The following RAB21 variants were observed in gnomAD, a reference collection of about 807,000 sequenced individuals.
The protein encoded by RAB21 is ras-related protein Rab-21.
Under a neutral mutation model 33.1 loss-of-function variants are expected in RAB21, and 13 were observed. The ratio of observed to expected loss-of-function variants is 0.39; its 90% CI spans 0.26 to 0.62. The LOEUF (loss-of-function observed/expected upper bound fraction) is 0.62. Among genes scored for constraint, RAB21 ranks in the 20% least tolerant of loss-of-function variants. The probability of loss-of-function intolerance (pLI) is 0.48; values close to 1 mark genes in which losing one functional copy is unlikely to be tolerated. For synonymous variants in RAB21, 91 were observed against 103.7 expected (o/e 0.88, Z 0.74); for missense variants, 234 against 279.1 (o/e 0.84, Z 1.15).
intron 3 of RAB21, among the ~76,000 whole-genome samples, chr12:71,773,106 G>A (rs1883067963): frequency 6.6e-6 from 1 of 152,158 alleles, no homozygotes; most frequent in Admixed American, 6.5e-5. Flanking sequence ...AATGAAGGCA[G>A]GTGTCCAAGT....
chr12:71,797,823 T>G lies in RAB21; in HGVS notation c.*12150T>G, dbSNP rs1014041118. The G allele has an allele frequency of 6.6e-6, 1 of 151,940 alleles. No homozygotes were observed. Among genetic ancestry groups the G allele is most frequent in the African/African-American group, 2.4e-5 (1 of 41,334 alleles). 9.4% of individuals were successfully genotyped at this position (151,940 alleles called of 1,614,324 possible). ...AGTGGAGGAGAAGTGATGTTTCAGC[T>G]CAGTGGGGAAAATATGGTTTATTCA... On this transcript the variant is annotated 3_prime_UTR_variant, in exon 7 of 7. Coordinates refer to ENST00000261263, the MANE Select transcript of RAB21 (RefSeq NM_014999.4).
At chr12:71,760,304 C>CT (rs1053278059) in intron 1 of RAB21, among the ~76,000 whole-genome samples, 11 of 152,046 alleles carry the variant, frequency 7.2e-5, no homozygotes, top group African/African-American at 2.7e-4. Flanking sequence ...GTGTGGCTCT[C>CT]TTTTTCCAGA....
At chr12:71,755,411 T>C (rs1882770226) in intron 1 of RAB21, 123 bp downstream of exon 1, 1 of 1,196,516 alleles carries the variant, frequency 8.4e-7, no homozygotes, top group African/African-American at 1.6e-5. Flanking sequence ...CATCTCCGCC[T>C]TCGGTTTACC....
In RAB21 at chr12:71,797,166, A is replaced by G. The variant is rs562656519; in HGVS notation, c.*11493A>G. ...TCAAGGAACTTAAAAACCTATTGGA[A>G]GATTTATTTAACAGAGGTAAGAGAA... On this transcript the variant is annotated 3_prime_UTR_variant, in exon 7 of 7. Transcript: ENST00000261263. 2 of 152,310 alleles carry G rather than the reference A, an allele frequency of 1.3e-5. No individual in the cohort carries two copies. The highest frequency in any genetic ancestry group is 2.9e-5 in the Non-Finnish European group (2 of 67,996). 9.4% of individuals were successfully genotyped at this position (152,310 alleles called of 1,614,324 possible).
rs1592652045 is a variant in RAB21, at chr12:71,786,676, A to C, written c.*1003A>C. 2 of 152,774 alleles carry C rather than the reference A, an allele frequency of 1.3e-5. No individual in the cohort carries two copies. Among genetic ancestry groups the C allele is most frequent in the African/African-American group, 4.8e-5 (2 of 41,574 alleles). 9.5% of individuals were successfully genotyped at this position (152,774 alleles called of 1,614,324 possible). A position where few individuals can be genotyped will look rare whatever the true frequency, so the allele number is the denominator to read the frequency against. ...TGCCTAGCTTTTTTGACTAATATAA[A>C]GATCATAGCTCCCCTTCACTTCTGT... On this transcript the variant is annotated 3_prime_UTR_variant, in exon 7 of 7. Coordinates refer to ENST00000261263, the MANE Select transcript of RAB21 (RefSeq NM_014999.4).
Position 71,769,774 on chromosome 12 carries a change from T to G in RAB21, c.160-26T>G, listed in dbSNP as rs750173646. On this transcript the variant is annotated intron_variant, in intron 1 of 6. Transcript: ENST00000261263. Reference sequence around the variant, plus strand: ...AAGAACCTTATTTTATAAGAAACATTGTTTAATGTTTATTTCTCTTTTTAG... The same window carrying G: ...AAGAACCTTATTTTATAAGAAACATGGTTTAATGTTTATTTCTCTTTTTAG... 4.3e-6 allele frequency: 5 copies of G among 1,174,456 alleles called. No homozygotes were observed. The East Asian group carries it at 1.4e-4, about 32-fold the overall frequency. 72.8% of individuals were successfully genotyped at this position (1,174,456 alleles called of 1,614,324 possible).
chr12:71,785,912 T>G lies in RAB21; in HGVS notation c.*239T>G, dbSNP rs193154206. ...TTGTTTTTTTTTTGTTTTTTTTTGT[T>G]TTTTTTTGAGACGGAGTCTCGCTCT... On this transcript the variant is annotated 3_prime_UTR_variant, in exon 7 of 7. Coordinates refer to ENST00000261263, the MANE Select transcript of RAB21 (RefSeq NM_014999.4). 0.077 allele frequency: 33,337 copies of G among 431,958 alleles called. 1,776 individuals carry two copies. The highest frequency in any genetic ancestry group is 0.1 in the Non-Finnish European group (24,983 of 249,536). 26.8% of individuals were successfully genotyped at this position (431,958 alleles called of 1,614,324 possible).
intron 1 of RAB21, among the ~76,000 whole-genome samples, chr12:71,760,780 T>C (rs112462290): frequency 2.0e-5 from 3 of 152,096 alleles, no homozygotes; most frequent in African/African-American, 7.2e-5. Context: ...TCCCCTTTCT[T>C]TTTAGAGTCC....
chr12:71,773,323 G>A (rs1300068297), intron 3 of RAB21, among the ~76,000 whole-genome samples: 1 of 152,128 alleles, frequency 6.6e-6, no homozygotes, highest in African/African-American at 2.4e-5. Flanking sequence ...CACAACTGGC[G>A]GATGCTCTTG....
intron 1 of RAB21, among the ~76,000 whole-genome samples, chr12:71,765,415 G>C (rs1882944916): frequency 6.6e-6 from 1 of 152,042 alleles, no homozygotes; most frequent in Non-Finnish European, 1.5e-5. Flanking sequence ...TGTTTACTCT[G>C]CTGAGTATTT....
chr12:71,774,973 G>A (rs989905600), intron 4 of RAB21, among the ~76,000 whole-genome samples: 13 of 152,102 alleles, frequency 8.5e-5, no homozygotes, highest in Non-Finnish European at 1.6e-4. Context: ...AAATGACTTC[G>A]GCTTGTGTTC....
At position 71,797,742 on chromosome 12, in the gene RAB21, A is replaced by G. The variant is rs755857706; in HGVS notation, c.*12069A>G. 3 of 152,030 alleles carry G rather than the reference A, an allele frequency of 2.0e-5. No individual in the cohort carries two copies. Among genetic ancestry groups the G allele is most frequent in the Non-Finnish European group, 4.4e-5 (3 of 68,016 alleles). The allele number at this position is 152,030 out of a possible 1,614,324, so 9.4% of individuals were successfully genotyped here. ...ATAATTAAAACAGTCTGGAACTGGC[A>G]TATGACTAGACAGATCATTCAAGCA... On this transcript the variant is annotated 3_prime_UTR_variant, in exon 7 of 7. Coordinates refer to ENST00000261263, the MANE Select transcript of RAB21 (RefSeq NM_014999.4).
intron 1 of RAB21, among the ~76,000 whole-genome samples, chr12:71,765,911 A>C (rs1309670379): frequency 6.6e-6 from 1 of 152,074 alleles, no homozygotes; most frequent in African/African-American, 2.4e-5. Context: ...AAGTTTTTTA[A>C]AAAGAGTTCT....
intron 4 of RAB21, among the ~76,000 whole-genome samples, chr12:71,775,162 C>T (rs930371757): frequency 3.9e-5 from 6 of 152,170 alleles, no homozygotes; most frequent in Admixed American, 3.9e-4. Context: ...ATTATTATTT[C>T]TGTGATATCA....
rs1430000210 is a variant in RAB21, at chr12:71,792,643, A to T, written c.*6970A>T. 2.0e-5 allele frequency: 3 copies of T among 152,252 alleles called. No individual in the cohort carries two copies. The highest frequency in any genetic ancestry group is 7.2e-5 in the African/African-American group (3 of 41,452). The allele number at this position is 152,252 out of a possible 1,614,324, so 9.4% of individuals were successfully genotyped here. ...TCTGTATTTTAAAAAATTTTAAAAC[A>T]TTCAGCTTTTTATGACTTTGGTTAG... On this transcript the variant is annotated 3_prime_UTR_variant, in exon 7 of 7. Coordinates refer to ENST00000261263, the MANE Select transcript of RAB21 (RefSeq NM_014999.4).
rs988764382 is a variant in RAB21, at chr12:71,799,551, G to C, written c.*13878G>C. ...GTACAACGTTTTTCAATGCAGTATTGTTTGTAAATTGACACCAGTAGGGGA... is the reference window on the plus strand; with the variant it reads ...GTACAACGTTTTTCAATGCAGTATTCTTTGTAAATTGACACCAGTAGGGGA... On this transcript the variant is annotated 3_prime_UTR_variant, in exon 7 of 7. Transcript: ENST00000261263. 2.0e-5 allele frequency: 3 copies of C among 152,106 alleles called. No individual in the cohort carries two copies. The highest frequency in any genetic ancestry group is 4.4e-5 in the Non-Finnish European group (3 of 68,040). The allele number at this position is 152,106 out of a possible 1,614,324, so 9.4% of individuals were successfully genotyped here.
intron 1 of RAB21, among the ~76,000 whole-genome samples, chr12:71,757,986 A>G (rs999588702): frequency 5.9e-5 from 9 of 151,710 alleles, no homozygotes; most frequent in African/African-American, 2.2e-4. Flanking sequence ...TATTATGGAA[A>G]GTGGAAAGCT....
At chr12:71,756,973 G>T (rs1415624195) in intron 1 of RAB21, among the ~76,000 whole-genome samples, 1 of 152,126 alleles carries the variant, frequency 6.6e-6, no homozygotes, top group Non-Finnish European at 1.5e-5. Flanking sequence ...GAGTGTCCAA[G>T]CTCAAATTTG....
At chr12:71,759,116 A>G (rs951432763) in intron 1 of RAB21, among the ~76,000 whole-genome samples, 1 of 152,176 alleles carries the variant, frequency 6.6e-6, no homozygotes, top group Non-Finnish European at 1.5e-5. Context: ...TTTTGTTTCT[A>G]ATATACTTGA....
Sources: gnomAD v4.1 joint callset for allele counts (sites outside exome capture counted in the v4.1 genomes callset) on GRCh38, gnomAD v4.1.1 for gene constraint, MANE v1.5 for transcripts, NCBI Gene and HGNC (gene_info 2026-07-23, HGNC 2026-07-21) for gene names.